The following ARSJ variants were observed in gnomAD, a reference collection of about 807,000 sequenced individuals.
ARSJ encodes the protein arylsulfatase family member J, also known as arylsulfatase J.
ARSJ carries 26 observed loss-of-function variants against 35.9 expected under a neutral mutation model. That is an observed-to-expected ratio of 0.72 (90% CI 0.53 to 1.00). The LOEUF (loss-of-function observed/expected upper bound fraction) is 1.00, where lower values mean the gene tolerates loss of function less well. Among genes scored for constraint, ARSJ ranks in the 50% least tolerant of loss-of-function variants. The probability of loss-of-function intolerance (pLI) is 0.00; values close to 1 mark genes in which losing one functional copy is unlikely to be tolerated. For missense variants in ARSJ, 667 were observed against 723.6 expected (o/e 0.92, Z 0.90); for synonymous variants, 294 against 267.6 (o/e 1.10, Z -0.96).
In ARSJ at chr4:113,952,398, C is replaced by T. The variant is rs549968038; in HGVS notation, c.398+26039G>A. The stretch of plus-strand genomic sequence containing the variant: ...AGTTTTATTTCTAAAATCCAGACTT[C>T]TCTCTTTTTTGACATTGAGATACTA... On this transcript the variant is annotated intron_variant, in intron 1 of 1. Coordinates refer to ENST00000315366, the MANE Select transcript of ARSJ (RefSeq NM_024590.4). 4.6e-5 allele frequency among the ~76,000 whole-genome samples: 7 copies of T among 152,228 alleles called. No individual in the cohort carries two copies. In the South Asian group the frequency reaches 1.4e-3, roughly 32 times the overall value.
rs533842916 is a variant in ARSJ, at chr4:113,902,328, TTTC to T, written c.1743_1745del (p.Lys582del). 6.7e-5 allele frequency: 108 copies of T among 1,613,296 alleles called. 1 individual carries two copies. Among genetic ancestry groups the T allele is most frequent in the South Asian group, 4.2e-4 (38 of 91,022 alleles). On this transcript the variant is annotated inframe_deletion, in exon 2 of 2. Coordinates refer to ENST00000315366, the MANE Select transcript of ARSJ (RefSeq NM_024590.4). Reference sequence around the variant, plus strand: ...TTGAACCTGAGACTGCTTTCTGCTGTTTCTTCTTCTTTTTTTTGCTTTTCTTTT... The same window carrying T: ...TTGAACCTGAGACTGCTTTCTGCTGTTTCTTCTTTTTTTTGCTTTTCTTTT...
intron 1 of ARSJ, among the ~76,000 whole-genome samples, chr4:113,930,585 C>T (rs898750440): frequency 6.6e-6 from 1 of 152,128 alleles, no homozygotes; most frequent in Non-Finnish European, 1.5e-5. Flanking sequence ...ATTATTATAG[C>T]ACCCAGTTTG....
chr4:113,972,379 T>C (rs1196381819), intron 1 of ARSJ, among the ~76,000 whole-genome samples: 1 of 149,812 alleles, frequency 6.7e-6, no homozygotes, highest in African/African-American at 2.4e-5. Flanking sequence ...AACTTTCCAA[T>C]ATATTTGCTT....
rs1236848691 is a variant in ARSJ at position 113,900,747 on chromosome 4, C to G, written c.*1527G>C. On this transcript the variant is annotated 3_prime_UTR_variant, in exon 2 of 2. Transcript: ENST00000315366. ...ACTTCAAAGAAAACACCAGGGTCTA[C>G]AGGATCCACACCAATCTATGCTCAT... 6.6e-6 allele frequency: 1 copy of G among 152,206 alleles called. No individual in the cohort carries two copies. The highest frequency in any genetic ancestry group is 1.5e-5 in the Non-Finnish European group (1 of 68,050). 9.4% of individuals were successfully genotyped at this position (152,206 alleles called of 1,614,324 possible).
At chr4:113,947,428 C>T (rs1162242519) in intron 1 of ARSJ, among the ~76,000 whole-genome samples, 2 of 150,830 alleles carry the variant, frequency 1.3e-5, no homozygotes, top group South Asian at 2.1e-4. Context: ...TGCAGTGAGC[C>T]GAGATTCTGC....
Position 113,901,830 on chromosome 4 carries a change from T to G in ARSJ, c.*444A>C. The G allele has an allele frequency of 5.2e-6, 1 of 193,360 alleles. No homozygotes were observed. Among genetic ancestry groups the G allele is most frequent in the Non-Finnish European group, 1.1e-5 (1 of 93,342 alleles). The allele number at this position is 193,360 out of a possible 1,614,324, so 12.0% of individuals were successfully genotyped here. On this transcript the variant is annotated 3_prime_UTR_variant, in exon 2 of 2. Coordinates refer to ENST00000315366, the MANE Select transcript of ARSJ (RefSeq NM_024590.4). ...AGGTGACACAATCTTTGACTGTAAT[T>G]TATCAAAGGTAGTTTTAATCATGCT...
chr4:113,905,495 A>G (rs1260523692), intron 1 of ARSJ, among the ~76,000 whole-genome samples: 1 of 152,120 alleles, frequency 6.6e-6, no homozygotes, highest in Admixed American at 6.5e-5. Context: ...CACTATTGCA[A>G]AGCAGCATTC....
At chr4:113,906,498 A>G (rs980031439) in intron 1 of ARSJ, among the ~76,000 whole-genome samples, 5 of 152,238 alleles carry the variant, frequency 3.3e-5, no homozygotes, top group Non-Finnish European at 7.3e-5. Context: ...TTTAAATTGG[A>G]AAATTTAAAA....
At chr4:113,967,966 A>G (rs765682541) in intron 1 of ARSJ, among the ~76,000 whole-genome samples, 2 of 152,168 alleles carry the variant, frequency 1.3e-5, no homozygotes, top group Non-Finnish European at 2.9e-5. Context: ...ACTTGGTTTA[A>G]TTATTGCATA....
intron 1 of ARSJ, among the ~76,000 whole-genome samples, chr4:113,919,567 A>T (rs779900907): frequency 6.6e-6 from 1 of 152,208 alleles, no homozygotes; most frequent in Admixed American, 6.5e-5. Flanking sequence ...CTTTCAGGTC[A>T]TGTTCCATCA....
intron 1 of ARSJ, among the ~76,000 whole-genome samples, chr4:113,964,625 T>C (rs762658781): frequency 3.9e-5 from 6 of 152,122 alleles, no homozygotes; most frequent in Non-Finnish European, 5.9e-5. Flanking sequence ...AATAGTCATA[T>C]GCATATAGCA....
intron 1 of ARSJ, among the ~76,000 whole-genome samples, chr4:113,957,528 G>C (rs1726259857): frequency 6.6e-6 from 1 of 151,894 alleles, no homozygotes; most frequent in South Asian, 2.1e-4. Context: ...TACATTGAGT[G>C]GGAAAATCTT....
rs560929063 is a variant in ARSJ, at chr4:113,917,258, G to A, written c.399-13583C>T. On this transcript the variant is annotated intron_variant, in intron 1 of 1. Coordinates refer to ENST00000315366, the MANE Select transcript of ARSJ (RefSeq NM_024590.4). ...TTCCTGTACCAATGAGAGGAATCAT[G>A]TGTCCTCATGGTATGCCTTGCCTGC... Among the ~76,000 whole-genome samples the A allele has an allele frequency of 6.4e-4, 98 of 152,148 alleles. 1 individual carries two copies. The South Asian group carries it at 0.02, about 31-fold the overall frequency.
chr4:113,943,220 T>C, intron 1 of ARSJ: 1 of 152,086 alleles, frequency 6.6e-6, no homozygotes, highest in East Asian at 1.9e-4. Flanking sequence ...CAGTGCTTCA[T>C]ATCTTAGCTC....
At chr4:113,927,627 C>T (rs188944558) in intron 1 of ARSJ, among the ~76,000 whole-genome samples, 79 of 152,286 alleles carry the variant, frequency 5.2e-4, no homozygotes, top group African/African-American at 1.8e-3. Flanking sequence ...TGGCTGCATA[C>T]CAGGTACCAG....
chr4:113,977,115 T>A (rs1727634836), intron 1 of ARSJ, among the ~76,000 whole-genome samples: 1 of 152,240 alleles, frequency 6.6e-6, no homozygotes, highest in Non-Finnish European at 1.5e-5. Flanking sequence ...GAGCCATATA[T>A]AAGGGTGTTT....
intron 1 of ARSJ, among the ~76,000 whole-genome samples, chr4:113,976,036 AG>A (rs1471791004): frequency 6.6e-6 from 1 of 152,174 alleles, no homozygotes; most frequent in Non-Finnish European, 1.5e-5. Flanking sequence ...GCTTATTGAC[AG>A]GCTGACTGAT....
chr4:113,922,050 C>G (rs776280544), intron 1 of ARSJ, among the ~76,000 whole-genome samples: 2 of 152,146 alleles, frequency 1.3e-5, no homozygotes, highest in African/African-American at 2.4e-5. Flanking sequence ...ATGTGAAAGA[C>G]AGCAGTATCA....
chr4:113,913,833 C>A (rs1723102996), intron 1 of ARSJ, among the ~76,000 whole-genome samples: 1 of 152,062 alleles, frequency 6.6e-6, no homozygotes, highest in African/African-American at 2.4e-5. Context: ...AGCTTAAATA[C>A]TAAACTATTC....
Sources: gnomAD v4.1 joint callset for allele counts (sites outside exome capture counted in the v4.1 genomes callset) on GRCh38, gnomAD v4.1.1 for gene constraint, MANE v1.5 for transcripts, NCBI Gene and HGNC (gene_info 2026-07-23, HGNC 2026-07-21) for gene names.